The following SPOCK3 variants were observed in gnomAD, a reference collection of about 807,000 sequenced individuals.
The protein encoded by SPOCK3 is SPARC (osteonectin), cwcv and kazal like domains proteoglycan 3.
A neutral mutation model predicts 56.6 loss-of-function variants in SPOCK3; 30 were observed. The ratio of observed to expected loss-of-function variants is 0.53; its 90% CI spans 0.40 to 0.72. The LOEUF is 0.72. SPOCK3 is among the 30% of genes least tolerant of loss of function. The pLI is 0.00. For missense variants in SPOCK3, 527 were observed against 530.0 expected (o/e 0.99, Z 0.06); for synonymous variants, 196 against 183.3 (o/e 1.07, Z -0.56).
intron 6 of SPOCK3, among the ~76,000 whole-genome samples, chr4:166,867,906 T>G (rs1171881161): frequency 6.6e-6 from 1 of 151,960 alleles, no homozygotes; most frequent in Admixed American, 6.6e-5. Context: ...GTTTTAAATT[T>G]AATTTAAATT....
intron 2 of SPOCK3, among the ~76,000 whole-genome samples, chr4:167,131,773 T>G (rs17052995): frequency 0.018 from 2,687 of 152,302 alleles, 71 homozygotes; most frequent in African/African-American, 0.06. Flanking sequence ...GAAAGCAATT[T>G]AAACATTTTC....
intron 2 of SPOCK3, among the ~76,000 whole-genome samples, chr4:167,116,598 A>ATATACTATATACGTATATATATATACG (rs1554038914): frequency 4.5e-5 from 4 of 89,826 alleles, no homozygotes; most frequent in Non-Finnish European, 8.5e-5. Flanking sequence ...ATATATATAC[A>ATATACTATATACGTATATATATATACG]TATATACTAT....
chr4:167,203,364 T>C (rs1207643062), intron 2 of SPOCK3, among the ~76,000 whole-genome samples: 1 of 152,006 alleles, frequency 6.6e-6, no homozygotes, highest in Non-Finnish European at 1.5e-5. Context: ...TTACATTATT[T>C]AATTGTGGTA....
chr4:167,048,909 G>C (rs1289447399), intron 3 of SPOCK3, among the ~76,000 whole-genome samples: 1 of 152,082 alleles, frequency 6.6e-6, no homozygotes, highest in African/African-American at 2.4e-5. Context: ...AAAAGTGCTT[G>C]TTTACTTTGA....
At chr4:167,007,292 T>C (rs1333200705) in intron 3 of SPOCK3, among the ~76,000 whole-genome samples, 2 of 151,962 alleles carry the variant, frequency 1.3e-5, no homozygotes, top group African/African-American at 4.8e-5. Context: ...TTATATAAAA[T>C]GGTGTAGTAG....
At chr4:167,159,040 T>C (rs1461165228) in intron 2 of SPOCK3, among the ~76,000 whole-genome samples, 2 of 152,082 alleles carry the variant, frequency 1.3e-5, no homozygotes, top group Non-Finnish European at 2.9e-5. Flanking sequence ...TATACAATGA[T>C]ATATGTTAGC....
At chr4:166,977,144 C>T (rs951926212) in intron 4 of SPOCK3, among the ~76,000 whole-genome samples, 1 of 151,884 alleles carries the variant, frequency 6.6e-6, no homozygotes, top group African/African-American at 2.4e-5. Context: ...TTACTTTTTG[C>T]TGTTTTTAGA....
At chr4:167,205,290 TATATCTATA>T (rs1733989556) in intron 2 of SPOCK3, among the ~76,000 whole-genome samples, 2 of 50,680 alleles carry the variant, frequency 3.9e-5, no homozygotes, top group Non-Finnish European at 7.7e-5. Context: ...ATATATATTT[TATATCTATA>T]ATATATATTA....
chr4:167,144,737 C>A (rs199769679), intron 2 of SPOCK3, among the ~76,000 whole-genome samples: 3 of 113,090 alleles, frequency 2.7e-5, no homozygotes, highest in Non-Finnish European at 3.9e-5. Context: ...AAAAAAAAAA[C>A]CTTAGGGAAA....
In SPOCK3 at chr4:166,892,915, A is replaced by G. The variant is rs1734943257; in HGVS notation, c.475-3671T>C. Among the ~76,000 whole-genome samples the G allele has an allele frequency of 2.0e-5, 3 of 152,110 alleles. No homozygotes were observed. The South Asian group carries it at 6.2e-4, about 31-fold the overall frequency. On this transcript the variant is annotated intron_variant, in intron 5 of 10. Coordinates refer to ENST00000357545, the MANE Select transcript of SPOCK3 (RefSeq NM_001040159.2). ...AGCCCAACCTTCAGGGTCAGCAAAC[A>G]CTGCGACAGGCTGTTGTTACCAGCT... is the stretch of plus-strand genomic sequence containing the variant.
At chr4:167,054,700 T>C (rs969055048) in intron 3 of SPOCK3, among the ~76,000 whole-genome samples, 2 of 152,158 alleles carry the variant, frequency 1.3e-5, no homozygotes, top group East Asian at 3.9e-4. Flanking sequence ...ACTCTTACTG[T>C]TTTAGTGGTA....
At chr4:166,818,535 C>T (rs1284076416) in intron 6 of SPOCK3, among the ~76,000 whole-genome samples, 2 of 151,966 alleles carry the variant, frequency 1.3e-5, no homozygotes, top group Non-Finnish European at 2.9e-5. Flanking sequence ...ATTTGGATCA[C>T]AAATTACTAG....
intron 3 of SPOCK3, among the ~76,000 whole-genome samples, chr4:167,035,226 A>G (rs1261204797): frequency 6.6e-6 from 1 of 152,148 alleles, no homozygotes; most frequent in Non-Finnish European, 1.5e-5. Context: ...ATGACTCAAG[A>G]GACCTGATGT....
chr4:166,823,615 T>C (rs556081987), intron 6 of SPOCK3, among the ~76,000 whole-genome samples: 14 of 152,228 alleles, frequency 9.2e-5, no homozygotes, highest in African/African-American at 3.1e-4. Context: ...AGCAAGTCAC[T>C]AGAGAGAAGA....
intron 3 of SPOCK3, among the ~76,000 whole-genome samples, chr4:167,050,874 G>A (rs1159177419): frequency 6.6e-6 from 1 of 152,068 alleles, no homozygotes; most frequent in African/African-American, 2.4e-5. Context: ...AGCACAATTG[G>A]GGTTGCCAAG....
At chr4:167,102,488 G>A (rs574542166) in intron 2 of SPOCK3, 8 of 152,240 alleles carry the variant, frequency 5.3e-5, no homozygotes, top group African/African-American at 1.9e-4. Context: ...AAAAAAGACA[G>A]TATTGAACTG....
intron 6 of SPOCK3, among the ~76,000 whole-genome samples, chr4:166,821,513 C>T (rs1286225830): frequency 6.6e-6 from 1 of 151,946 alleles, no homozygotes; most frequent in African/African-American, 2.4e-5. Context: ...TTGACAACAA[C>T]CAAAAAGTGG....
In SPOCK3 at chr4:167,146,082, T is replaced by A. The variant is rs907572743; in HGVS notation, c.190-83545A>T. 2.6e-5 allele frequency among the ~76,000 whole-genome samples: 4 copies of A among 151,790 alleles called. No individual in the cohort carries two copies. The East Asian group carries it at 7.7e-4, about 29-fold the overall frequency. On this transcript the variant is annotated intron_variant, in intron 2 of 10. Transcript: ENST00000357545. Reference sequence around the variant, plus strand: ...AGGAGACCCATCTCATGTGCAAACATACACAGAGGCTCAAAATAAAGGGAT... The same window carrying A: ...AGGAGACCCATCTCATGTGCAAACAAACACAGAGGCTCAAAATAAAGGGAT...
intron 4 of SPOCK3, among the ~76,000 whole-genome samples, chr4:166,956,881 C>A (rs1468341881): frequency 6.6e-6 from 1 of 152,108 alleles, no homozygotes; most frequent in African/African-American, 2.4e-5. Flanking sequence ...TCTCATCCTC[C>A]TTGCCTCTCG....
Sources: allele counts gnomAD v4.1 joint callset (sites outside exome capture counted in the v4.1 genomes callset), GRCh38; gene constraint gnomAD v4.1.1; transcripts MANE v1.5; gene names NCBI Gene and HGNC (gene_info 2026-07-23, HGNC 2026-07-21).